TTC6: variants seen among roughly 807,000 people sequenced by gnomAD.
The protein encoded by TTC6 is tetratricopeptide repeat domain 6.
A neutral mutation model predicts 210.4 loss-of-function variants in TTC6; 172 were observed. The ratio of observed to expected loss-of-function variants is 0.82; its 90% CI spans 0.72 to 0.93. The LOEUF is 0.93. TTC6 is among the 40% of genes least tolerant of loss of function. The pLI is 0.00. For synonymous variants in TTC6, 804 were observed against 819.6 expected (o/e 0.98, Z 0.32); for missense variants, 2,414 against 2,318.1 (o/e 1.04, Z -0.85).
In TTC6 at chr14:37,817,704, T is replaced by C. The variant is rs377178336; in HGVS notation, c.4763+53T>C. 3,837 of 1,526,904 alleles carry C rather than the reference T, an allele frequency of 2.5e-3. 10 individuals are homozygous for C. Among genetic ancestry groups the C allele is most frequent in the Non-Finnish European group, 3.2e-3 (3,564 of 1,102,644 alleles). The allele number at this position is 1,526,904 out of a possible 1,614,324, so 94.6% of individuals were successfully genotyped here. A position where few individuals can be genotyped will look rare whatever the true frequency, so the allele number is the denominator to read the frequency against. ...GAATCAAGCAGGACCATCAGACTTA[T>C]CTAATTATCACCCCATAAACAAGCC... is the stretch of plus-strand genomic sequence containing the variant. On this transcript the variant is annotated intron_variant, in intron 26 of 30. Coordinates refer to ENST00000553443, the Ensembl canonical transcript of TTC6.
chr14:37,706,133 G>A (rs1259239550), intron 5 of TTC6, among the ~76,000 whole-genome samples: 1 of 152,136 alleles, frequency 6.6e-6, no homozygotes, highest in Non-Finnish European at 1.5e-5. Context: ...GCACGTGTGA[G>A]TGCTTGGGGG....
chr14:37,655,486 T>C (rs1298362617), intron 1 of TTC6, among the ~76,000 whole-genome samples: 3 of 152,180 alleles, frequency 2.0e-5, no homozygotes, highest in Admixed American at 6.5e-5. Flanking sequence ...AGCCAAGCAG[T>C]CTTAACCTTT....
chr14:37,819,326 A>G (rs2096150068), intron 26 of TTC6, among the ~76,000 whole-genome samples: 1 of 152,158 alleles, frequency 6.6e-6, no homozygotes, highest in South Asian at 2.1e-4. Context: ...GACTGTAACT[A>G]TGGGGATTCA....
intron 5 of TTC6, among the ~76,000 whole-genome samples, chr14:37,701,948 C>G (rs1349053338): frequency 6.6e-6 from 1 of 152,162 alleles, no homozygotes; most frequent in Non-Finnish European, 1.5e-5. Flanking sequence ...GTCCAGGGAT[C>G]ACATACAAAA....
intron 10 of TTC6, among the ~76,000 whole-genome samples, chr14:37,740,025 G>A (rs1021154548): frequency 3.3e-5 from 5 of 151,796 alleles, no homozygotes; most frequent in East Asian, 3.9e-4. Context: ...TTACCCAGGC[G>A]TGATGGTGGG....
At chr14:37,720,880 A>G (rs1234787604) in intron 6 of TTC6, among the ~76,000 whole-genome samples, 1 of 152,094 alleles carries the variant, frequency 6.6e-6, no homozygotes, top group Non-Finnish European at 1.5e-5. Flanking sequence ...ATCACTTGTG[A>G]TGATGGAAAT....
intron 1 of TTC6, among the ~76,000 whole-genome samples, chr14:37,629,636 A>G (rs1268977381): frequency 6.6e-6 from 1 of 152,160 alleles, no homozygotes; most frequent in Admixed American, 6.5e-5. Flanking sequence ...AGAACTTCCA[A>G]TACTATGTTG....
chr14:37,670,747 A>T (rs1317038728), intron 1 of TTC6, among the ~76,000 whole-genome samples: 1 of 152,046 alleles, frequency 6.6e-6, no homozygotes, highest in Non-Finnish European at 1.5e-5. Flanking sequence ...CTGGGATTAC[A>T]GGTGTGAGCC....
intron 1 of TTC6, among the ~76,000 whole-genome samples, chr14:37,642,853 A>G (rs1458553292): frequency 2.0e-5 from 3 of 152,232 alleles, no homozygotes; most frequent in Non-Finnish European, 4.4e-5. Flanking sequence ...AACATAATAG[A>G]AAGTATTTGT....
At chr14:37,701,211 A>G in intron 4 of TTC6, 121 bp from the exon 7 acceptor site, 1 of 630,446 alleles carries the variant, frequency 1.6e-6, no homozygotes, top group Non-Finnish European at 2.4e-6. Context: ...ATAGTTTTAA[A>G]TCAGATCTCC....
intron 10 of TTC6, among the ~76,000 whole-genome samples, chr14:37,745,029 T>C (rs1031006028): frequency 6.6e-6 from 1 of 151,928 alleles, no homozygotes; most frequent in Admixed American, 6.6e-5. Context: ...CACACACACA[T>C]ATACACACGT....
chr14:37,776,896 C>CA (rs34194790), intron 14 of TTC6, among the ~76,000 whole-genome samples: 5,850 of 149,538 alleles, frequency 0.039, 142 homozygotes, highest in Non-Finnish European at 0.052. Flanking sequence ...AACTCCATCT[C>CA]AAAAAAAAAA....
At chr14:37,738,796 C>T (rs146985994) in exon 10 of TTC6, 18,749 of 1,508,470 alleles carry the variant, frequency 0.012, 205 homozygotes, top group Non-Finnish European at 0.014. Context: ...CTTCTGTAGA[C>T]TTGAGGAAGG....
At chr14:37,803,154 C>T (rs1416317221) in intron 20 of TTC6, among the ~76,000 whole-genome samples, 2 of 151,988 alleles carry the variant, frequency 1.3e-5, no homozygotes, top group Non-Finnish European at 2.9e-5. Flanking sequence ...TTTATATTTG[C>T]TTTAATCTCC....
intron 14 of TTC6, among the ~76,000 whole-genome samples, chr14:37,764,633 C>G (rs2095993242): frequency 6.6e-6 from 1 of 152,082 alleles, no homozygotes; most frequent in South Asian, 2.1e-4. Flanking sequence ...CTTTTCCCAT[C>G]CTTTCACTTT....
At position 37,622,865 on chromosome 14, in the gene TTC6, G is replaced by GA. The variant is rs2095654092; in HGVS notation, c.801_802insA (p.Leu268ThrfsTer67). ...CGCGGGAGGCCGCCTGGCAGGCGCT[G>GA]CTGCCCTCCCGCGTGATCCCCACGT... On this transcript the variant is annotated frameshift_variant, in exon 1 of 31. Coordinates refer to ENST00000553443, the Ensembl canonical transcript of TTC6. LOFTEE classifies it high-confidence loss of function. 1 of 1,534,654 alleles carries GA rather than the reference G, an allele frequency of 6.5e-7. No homozygotes were observed.
intron 14 of TTC6, among the ~76,000 whole-genome samples, chr14:37,778,102 A>G (rs2096043522): frequency 6.6e-6 from 1 of 152,140 alleles, no homozygotes; most frequent in Admixed American, 6.5e-5. Flanking sequence ...TGCACATGCC[A>G]GCAGCAGTGG....
chr14:37,753,258 T>G (rs2095957842), intron 14 of TTC6, 23 bp downstream of exon 16: 4 of 1,496,602 alleles, frequency 2.7e-6, no homozygotes, highest in Non-Finnish European at 3.6e-6. Context: ...TTAGATGTCG[T>G]TTTAAAATTA....
chr14:37,622,090 GC>G lies in TTC6; in HGVS notation c.28del (p.Leu10Ter). ...ATGTCCACAATCCCGAGACACTTTG[GC>G]CTGAAATACAAAGAGGAATCGTATA... is the stretch of plus-strand genomic sequence containing the variant. On this transcript the variant is annotated frameshift_variant, in exon 1 of 31. Transcript: ENST00000553443. LOFTEE classifies it high-confidence loss of function. The G allele has an allele frequency of 1.3e-6, 2 of 1,532,358 alleles. No individual in the cohort carries two copies. The highest frequency in any genetic ancestry group is 3.4e-4 in the Middle Eastern group (2 of 5,960). 94.9% of individuals were successfully genotyped at this position (1,532,358 alleles called of 1,614,324 possible). A position where few individuals can be genotyped will look rare whatever the true frequency, so the allele number is the denominator to read the frequency against.
Sources: allele counts gnomAD v4.1 joint callset (sites outside exome capture counted in the v4.1 genomes callset), GRCh38; gene constraint gnomAD v4.1.1; transcripts MANE v1.5; gene names NCBI Gene and HGNC (gene_info 2026-07-23, HGNC 2026-07-21).